The following PHLDB2 variants were observed in gnomAD, a reference collection of about 807,000 sequenced individuals.
PHLDB2 encodes the protein pleckstrin homology like domain family B member 2, also known as pleckstrin homology-like domain family B member 2.
In PHLDB2, 71 loss-of-function variants were observed where a neutral mutation model predicts 123.6. That is an observed-to-expected ratio of 0.57 (90% CI 0.47 to 0.70). PHLDB2 has a LOEUF of 0.70. PHLDB2 is among the 30% of genes least tolerant of loss of function. The pLI is 0.00. For missense variants in PHLDB2, 1,446 were observed against 1,519.5 expected (o/e 0.95, Z 0.80); for synonymous variants, 547 against 541.6 (o/e 1.01, Z -0.14).
chr3:111,923,510 A>C (rs914083151), intron 5 of PHLDB2, among the ~76,000 whole-genome samples: 9 of 152,192 alleles, frequency 5.9e-5, no homozygotes, highest in Non-Finnish European at 1.3e-4. Flanking sequence ...TCTCTAGTTC[A>C]TAACCCTTTT....
At chr3:111,840,772 A>T (rs1254244531) in intron 1 of PHLDB2, among the ~76,000 whole-genome samples, 1 of 152,242 alleles carries the variant, frequency 6.6e-6, no homozygotes, top group African/African-American at 2.4e-5. Flanking sequence ...GTGTGAGAAT[A>T]AAATGACAAG....
At chr3:111,945,459 G>A in intron 9 of PHLDB2, 102 bp downstream of exon 9, 1 of 915,400 alleles carries the variant, frequency 1.1e-6, no homozygotes, top group Non-Finnish European at 1.7e-6. Context: ...TAACTCAAAG[G>A]ACCTGTGAAA....
chr3:111,828,583 G>C (rs1429341771), intron 1 of PHLDB2, among the ~76,000 whole-genome samples: 4 of 152,124 alleles, frequency 2.6e-5, no homozygotes, highest in Non-Finnish European at 4.4e-5. Context: ...TTGAGCCCAG[G>C]AGTTCGAGAC....
chr3:111,842,686 C>T (rs893975330), intron 1 of PHLDB2, among the ~76,000 whole-genome samples: 3 of 152,058 alleles, frequency 2.0e-5, no homozygotes, highest in African/African-American at 7.2e-5. Context: ...AAGAGTCATC[C>T]AGAAGCTAAC....
At chr3:111,753,916 C>G (rs1459766669) in intron 1 of PHLDB2, among the ~76,000 whole-genome samples, 4 of 152,124 alleles carry the variant, frequency 2.6e-5, no homozygotes, top group Admixed American at 2.0e-4. Flanking sequence ...AATCCTTTCC[C>G]CATTGCTTGT....
intron 4 of PHLDB2, 43 bp downstream of exon 4, chr3:111,919,258 G>A (rs748486981): frequency 6.3e-7 from 1 of 1,599,930 alleles, no homozygotes; most frequent in Non-Finnish European, 8.6e-7. Context: ...CTTTCCTTCA[G>A]CTTAAAAATA....
At chr3:111,907,169 T>C (rs1683962877) in intron 2 of PHLDB2, among the ~76,000 whole-genome samples, 1 of 152,138 alleles carries the variant, frequency 6.6e-6, no homozygotes. Context: ...CACAAGATTT[T>C]CCCCACATCT....
At chr3:111,957,679 C>A (rs2071140632) in intron 12 of PHLDB2, 1 of 152,190 alleles carries the variant, frequency 6.6e-6, no homozygotes, top group Non-Finnish European at 1.5e-5. Context: ...TAGGAAGCTC[C>A]TACTTATTCA....
At chr3:111,813,642 G>A (rs1198600515) in intron 1 of PHLDB2, among the ~76,000 whole-genome samples, 1 of 152,186 alleles carries the variant, frequency 6.6e-6, no homozygotes, top group African/African-American at 2.4e-5. Context: ...AAATGGAAGA[G>A]TGCCAAAAAT....
At chr3:111,970,789 G>A (rs1420144218) in intron 16 of PHLDB2, among the ~76,000 whole-genome samples, 1 of 152,116 alleles carries the variant, frequency 6.6e-6, no homozygotes, top group East Asian at 1.9e-4. Flanking sequence ...CTGTTTTGGG[G>A]TGACTGTCAG....
At chr3:111,761,428 G>C (rs2059992690) in intron 1 of PHLDB2, among the ~76,000 whole-genome samples, 1 of 152,168 alleles carries the variant, frequency 6.6e-6, no homozygotes, top group Non-Finnish European at 1.5e-5. Context: ...GATTCAGAAA[G>C]GAACTGACAC....
chr3:111,855,793 G>A (rs1254262254), upstream of PHLDB2, among the ~76,000 whole-genome samples: 1 of 151,816 alleles, frequency 6.6e-6, no homozygotes, highest in Non-Finnish European at 1.5e-5. Context: ...ACCATGCCCG[G>A]CTAATATTTT....
intron 16 of PHLDB2, among the ~76,000 whole-genome samples, chr3:111,971,523 T>A (rs1169518786): frequency 6.6e-6 from 1 of 152,218 alleles, no homozygotes; most frequent in African/African-American, 2.4e-5. Flanking sequence ...AAATTACATT[T>A]CATTTGCTTT....
At chr3:111,931,900 G>C (rs1304639470) in intron 5 of PHLDB2, among the ~76,000 whole-genome samples, 1 of 152,180 alleles carries the variant, frequency 6.6e-6, no homozygotes, top group African/African-American at 2.4e-5. Context: ...TCTCTGACAG[G>C]TGACTCTTAG....
intron 14 of PHLDB2, 80 bp downstream of exon 14, chr3:111,966,783 C>A: frequency 2.0e-6 from 2 of 1,001,142 alleles, no homozygotes; most frequent in African/African-American, 1.6e-5. Context: ...CAATACTCCT[C>A]CTTAAGGAGC....
intron 2 of PHLDB2, among the ~76,000 whole-genome samples, chr3:111,847,460 A>G (rs1297940879): frequency 6.6e-6 from 1 of 152,168 alleles, no homozygotes. Context: ...TTAGGAGCCT[A>G]TTACAATTCC....
chr3:111,884,962 A>T lies in PHLDB2; in HGVS notation c.885A>T (p.Val295=). ...GGGAAAAGGATCTACCTCATAGCGT[A>T]ATAGACAATGACAATTACCTTAATT... The part of the protein sequence containing the change: ...KLGEKDLPHS[V]IDNDNYLNFS... Residue 295 remains valine, a synonymous_variant, in exon 2 of 18, where the codon GTA becomes GTT. Coordinates refer to ENST00000431670, the MANE Select transcript of PHLDB2 (RefSeq NM_001134438.2). 1 of 1,614,108 alleles carries T rather than the reference A, an allele frequency of 6.2e-7. No individual in the cohort carries two copies. Among genetic ancestry groups the T allele is most frequent in the Non-Finnish European group, 8.5e-7 (1 of 1,180,008 alleles).
intron 3 of PHLDB2, 111 bp downstream of exon 3, chr3:111,913,813 A>G: frequency 7.3e-7 from 1 of 1,374,698 alleles, no homozygotes; most frequent in Non-Finnish European, 9.8e-7. Context: ...GTTTTCAGTG[A>G]AATTTCAATT....
intron 1 of PHLDB2, among the ~76,000 whole-genome samples, chr3:111,780,856 A>G (rs1429497386): frequency 6.6e-6 from 1 of 152,076 alleles, no homozygotes; most frequent in African/African-American, 2.4e-5. Context: ...TGAGTGCATT[A>G]ACTGAATGTT....
Sources: allele counts gnomAD v4.1 joint callset (sites outside exome capture counted in the v4.1 genomes callset), GRCh38; gene constraint gnomAD v4.1.1; transcripts MANE v1.5; gene names NCBI Gene and HGNC (gene_info 2026-07-23, HGNC 2026-07-21).